The following SLC2A13 variants were observed in gnomAD, a reference collection of about 807,000 sequenced individuals.
SLC2A13 encodes the protein solute carrier family 2 member 13.
Under a neutral mutation model 64.4 loss-of-function variants are expected in SLC2A13, and 32 were observed. The observed-to-expected ratio is 0.50, with a 90% confidence interval of 0.37 to 0.67. SLC2A13 has a LOEUF of 0.67. Ranked by LOEUF, SLC2A13 falls within the 30% of genes least tolerant of loss-of-function variation. The pLI is 0.00. For synonymous variants in SLC2A13, 338 were observed against 327.1 expected, an observed-to-expected ratio of 1.03 and a Z score of -0.36; for missense variants, 743 against 829.2, an observed-to-expected ratio of 0.90 and a Z score of 1.28.
intron 7 of SLC2A13, among the ~76,000 whole-genome samples, chr12:39,777,086 T>C (rs972015343): frequency 3.3e-5 from 5 of 152,248 alleles, no homozygotes; most frequent in Non-Finnish European, 7.3e-5. Flanking sequence ...TTTGGAATCA[T>C]ATTCGGAATC....
chr12:39,928,647 A>T (rs1374298992), intron 4 of SLC2A13, among the ~76,000 whole-genome samples: 1 of 152,190 alleles, frequency 6.6e-6, no homozygotes, highest in Non-Finnish European at 1.5e-5. Context: ...GTTCAGTTAA[A>T]CCCAGCAGCT....
At chr12:39,950,003 T>C (rs1382386860) in intron 4 of SLC2A13, 3 of 152,098 alleles carry the variant, frequency 2.0e-5, no homozygotes, top group Non-Finnish European at 2.9e-5. Context: ...AAATGAAAGT[T>C]AATGTCAGAG....
At chr12:39,871,567 C>A (rs1944057244) in intron 5 of SLC2A13, among the ~76,000 whole-genome samples, 1 of 151,854 alleles carries the variant, frequency 6.6e-6, no homozygotes, top group Non-Finnish European at 1.5e-5. Context: ...CTCAGTAGAT[C>A]CAAATTATTC....
chr12:39,966,810 G>T (rs1365546455), intron 3 of SLC2A13, among the ~76,000 whole-genome samples: 1 of 152,058 alleles, frequency 6.6e-6, no homozygotes, highest in East Asian at 1.9e-4. Flanking sequence ...AAATGTCTGT[G>T]GGTATCTAAC....
intron 7 of SLC2A13, chr12:39,829,392 C>CTTTTTTTTTTTTTTATTTTTTTTTT (rs1942787461): frequency 1.5e-5 from 1 of 65,796 alleles, no homozygotes; most frequent in Admixed American, 2.3e-4. Context: ...GATAGTAATT[C>CTTTTTTTTTTTTTTATTTTTTTTTT]TTTTTTTTTT....
At chr12:40,049,345 CT>C (rs1441501712) in intron 1 of SLC2A13, among the ~76,000 whole-genome samples, 1 of 151,916 alleles carries the variant, frequency 6.6e-6, no homozygotes, top group East Asian at 1.9e-4. Context: ...TAACTAATTG[CT>C]TTTTAACGAA....
At chr12:39,808,268 G>A (rs964710834) in intron 7 of SLC2A13, among the ~76,000 whole-genome samples, 7 of 152,060 alleles carry the variant, frequency 4.6e-5, no homozygotes, top group African/African-American at 1.7e-4. Context: ...CCAGGTTACT[G>A]GACATATCAG....
intron 5 of SLC2A13, among the ~76,000 whole-genome samples, chr12:39,866,389 C>T (rs1007166436): frequency 1.3e-5 from 2 of 152,132 alleles, no homozygotes; most frequent in East Asian, 3.9e-4. Flanking sequence ...CACAACCTTT[C>T]CATAATTCAA....
intron 4 of SLC2A13, among the ~76,000 whole-genome samples, chr12:39,903,198 A>T (rs1945181833): frequency 6.6e-6 from 1 of 152,166 alleles, no homozygotes. Flanking sequence ...CCTGAATATT[A>T]CATCTATCCT....
At chr12:39,791,045 T>C (rs1453503096) in intron 7 of SLC2A13, among the ~76,000 whole-genome samples, 2 of 130,674 alleles carry the variant, frequency 1.5e-5, no homozygotes, top group Non-Finnish European at 3.3e-5. Context: ...TTCATGTCCT[T>C]TGCCCACTTT....
chr12:40,094,664 G>C (rs1938878298), intron 1 of SLC2A13, among the ~76,000 whole-genome samples: 1 of 152,202 alleles, frequency 6.6e-6, no homozygotes, highest in South Asian at 2.1e-4. Context: ...GAAAAAAAGG[G>C]AAGAGAGGAA....
intron 7 of SLC2A13, among the ~76,000 whole-genome samples, chr12:39,816,713 A>C (rs1942352007): frequency 6.6e-6 from 1 of 152,128 alleles, no homozygotes; most frequent in South Asian, 2.1e-4. Flanking sequence ...GATGAAAAAC[A>C]AACAAATAAG....
At position 40,105,893 on chromosome 12, in the gene SLC2A13, G is replaced by C. The variant is rs1939294597; in HGVS notation, c.-85C>G. 1 of 1,264,054 alleles carries C rather than the reference G, an allele frequency of 7.9e-7. No individual in the cohort carries two copies. The highest frequency in any genetic ancestry group is 1.6e-5 in the African/African-American group (1 of 63,932). 78.3% of individuals were successfully genotyped at this position (1,264,054 alleles called of 1,614,324 possible). A position where few individuals can be genotyped will look rare whatever the true frequency, so the allele number is the denominator to read the frequency against. The stretch of plus-strand genomic sequence containing the variant: ...AGCTAGACAGCCCGAGCCGGCGGGA[G>C]CAACCGCCGCTGCCGCCGCTTTCTT... On this transcript the variant is annotated 5_prime_UTR_variant, in exon 1 of 10. Coordinates refer to ENST00000280871, the MANE Select transcript of SLC2A13 (RefSeq NM_052885.4). The surrounding 1 kb of genome is among the most constrained non-coding windows in gnomAD (Gnocchi z 4.2).
intron 4 of SLC2A13, chr12:39,950,775 C>G (rs1045299036): frequency 6.5e-6 from 1 of 154,002 alleles, no homozygotes; most frequent in South Asian, 2.1e-4. Context: ...ACTCTCCTTC[C>G]CACTCAATCT....
intron 7 of SLC2A13, among the ~76,000 whole-genome samples, chr12:39,820,318 C>T (rs1037867586): frequency 2.0e-5 from 3 of 152,126 alleles, no homozygotes; most frequent in African/African-American, 7.2e-5. Flanking sequence ...AAATTATGAG[C>T]ACAGAGTTTT....
intron 7 of SLC2A13, among the ~76,000 whole-genome samples, chr12:39,814,431 T>C (rs1942281763): frequency 6.6e-6 from 1 of 152,194 alleles, no homozygotes; most frequent in South Asian, 2.1e-4. Context: ...CTTTAGCTGA[T>C]CTTTATTGTA....
chr12:40,019,212 C>A (rs1235501399), intron 3 of SLC2A13, among the ~76,000 whole-genome samples: 1 of 152,176 alleles, frequency 6.6e-6, no homozygotes, highest in Non-Finnish European at 1.5e-5. Context: ...GTGGAAGCAA[C>A]TGAACTATTT....
At chr12:39,803,290 T>C (rs960054518) in intron 7 of SLC2A13, among the ~76,000 whole-genome samples, 2 of 141,004 alleles carry the variant, frequency 1.4e-5, no homozygotes, top group South Asian at 2.2e-4. Context: ...GTGATGAAAA[T>C]AGACTTATAT....
chr12:39,931,171 T>C (rs544728954), intron 4 of SLC2A13, among the ~76,000 whole-genome samples: 2 of 152,194 alleles, frequency 1.3e-5, no homozygotes, highest in South Asian at 4.1e-4. Context: ...ACATACAGCT[T>C]ACTAACCACT....
Sources: gnomAD v4.1 joint callset for allele counts (sites outside exome capture counted in the v4.1 genomes callset) on GRCh38, gnomAD v4.1.1 for gene constraint, Gnocchi (gnomAD v3.1) non-coding constraint, MANE v1.5 for transcripts, NCBI Gene and HGNC (gene_info 2026-07-23, HGNC 2026-07-21) for gene names.